FANCM: variants seen among roughly 807,000 people sequenced by gnomAD.
The protein encoded by FANCM is FA complementation group M.
A neutral mutation model predicts 199.5 loss-of-function variants in FANCM; 140 were observed. The observed-to-expected ratio is 0.70, with a 90% confidence interval of 0.61 to 0.81. FANCM has a LOEUF of 0.81. FANCM is among the 30% of genes least tolerant of loss of function. The probability of loss-of-function intolerance (pLI) is 0.00; values close to 1 mark genes in which losing one functional copy is unlikely to be tolerated. For missense variants in FANCM, 2,410 were observed against 2,421.4 expected (o/e 1.00, Z 0.10); for synonymous variants, 840 against 836.8 (o/e 1.00, Z -0.07).
At chr14:45,169,379 AT>A (rs768189905) in intron 11 of FANCM, among the ~76,000 whole-genome samples, 1 of 140,036 alleles carries the variant, frequency 7.1e-6, no homozygotes, top group South Asian at 2.3e-4. Context: ...TTATTTATTT[AT>A]TTGTTTTTTT....
intron 8 of FANCM, among the ~76,000 whole-genome samples, chr14:45,158,853 G>C (rs1381377233): frequency 3.3e-5 from 5 of 152,116 alleles, no homozygotes; most frequent in Non-Finnish European, 5.9e-5. Flanking sequence ...GTTTATTAGA[G>C]ACTGGGTCTT....
At chr14:45,142,237 C>T (rs1218517173) in intron 3 of FANCM, among the ~76,000 whole-genome samples, 1 of 151,936 alleles carries the variant, frequency 6.6e-6, no homozygotes, top group Non-Finnish European at 1.5e-5. Flanking sequence ...CTCCAGGGTT[C>T]AGTCTGTGAT....
chr14:45,196,830 GGGA>G (rs1457529522), intron 21 of FANCM, among the ~76,000 whole-genome samples: 2 of 152,190 alleles, frequency 1.3e-5, no homozygotes, highest in East Asian at 1.9e-4. Context: ...GGCAGCAATG[GGGA>G]GGAGAAGTAG....
intron 21 of FANCM, among the ~76,000 whole-genome samples, chr14:45,197,953 G>C (rs947942451): frequency 6.6e-6 from 1 of 151,460 alleles, no homozygotes; most frequent in Admixed American, 6.6e-5. Flanking sequence ...ATTTTTTGTA[G>C]AGACGAGGTT....
rs537199868 is a variant in FANCM at position 45,177,422 on chromosome 14, G to T, written c.4222+446G>T. Among the ~76,000 whole-genome samples the T allele has an allele frequency of 7.2e-5, 11 of 151,998 alleles. No homozygotes were observed. The South Asian group carries it at 2.1e-3, about 29-fold the overall frequency. On this transcript the variant is annotated intron_variant, in intron 14 of 22. Coordinates refer to ENST00000267430, the MANE Select transcript of FANCM (RefSeq NM_020937.4). ...TTTGTTTTTTTTGAGACGGAGTTTT[G>T]CTCTTGTTGCCCAGGCTGGAGTGCA... is the stretch of plus-strand genomic sequence containing the variant.
chr14:45,167,390 T>G (rs1888061409), intron 11 of FANCM: 3 of 509,790 alleles, frequency 5.9e-6, no homozygotes, highest in Non-Finnish European at 1.0e-5. Flanking sequence ...AAACATACCC[T>G]ACCAACCCAG....
chr14:45,140,626 C>G lies in FANCM; in HGVS notation c.682-6C>G. 6.4e-7 allele frequency: 1 copy of G among 1,550,748 alleles called. No homozygotes were observed. The highest frequency in any genetic ancestry group is 8.9e-7 in the Non-Finnish European group (1 of 1,127,318). The stretch of plus-strand genomic sequence containing the variant: ...GATGAAACTAAAGAACTTTTTTTTT[C>G]TTAAGGTTGTAAGAGAACTAGTCAA... On this transcript the variant is annotated splice_region_variant and splice_polypyrimidine_tract_variant and intron_variant, in intron 2 of 22. Coordinates refer to ENST00000267430, the MANE Select transcript of FANCM (RefSeq NM_020937.4).
chr14:45,145,841 C>T (rs1017565197), intron 3 of FANCM, among the ~76,000 whole-genome samples: 52 of 151,568 alleles, frequency 3.4e-4, no homozygotes, highest in African/African-American at 1.0e-3. Flanking sequence ...GGGCGGATCA[C>T]GAGGTCAGGA....
rs8017226 is a variant in FANCM at position 45,175,424 on chromosome 14, T to C, written c.2670T>C (p.Phe890=). The change falls in exon 14 of 23, where the codon TTT becomes TTC. Residue 890 remains phenylalanine (F), a synonymous_variant. Transcript: ENST00000267430. ...NDRNSTVENI[F]QEDLPNDKRT... ...GAAATTCCACTGTTGAAAATATTTT[T>C]CAAGAAGACCTACCAAATGATAAAA... The C allele has an allele frequency of 5.4e-3, 8,587 of 1,584,180 alleles. 435 individuals are homozygous for C. In the African/African-American group the frequency reaches 0.1, roughly 19 times the overall value.
rs1888753252 is a variant in FANCM, at chr14:45,176,991, TTATAAAGTC to T, written c.4222+21_4222+29del. 1.4e-6 allele frequency: 2 copies of T among 1,461,400 alleles called. No individual in the cohort carries two copies. Among genetic ancestry groups the T allele is most frequent in the Non-Finnish European group, 1.9e-6 (2 of 1,042,768 alleles). The allele number at this position is 1,461,400 out of a possible 1,614,324, so 90.5% of individuals were successfully genotyped here. Reference sequence around the variant, plus strand: ...TTCTGTTGAAGGTAAGATTCCATCTTTATAAAGTCTATAACTCTTTCTAGAATAATTACT... The same window carrying T: ...TTCTGTTGAAGGTAAGATTCCATCTTTATAACTCTTTCTAGAATAATTACT... On this transcript the variant is annotated intron_variant, in intron 14 of 22. Coordinates refer to ENST00000267430, the MANE Select transcript of FANCM (RefSeq NM_020937.4).
At chr14:45,191,172 C>A (rs1889744219) in intron 20 of FANCM, among the ~76,000 whole-genome samples, 1 of 152,164 alleles carries the variant, frequency 6.6e-6, no homozygotes, top group Non-Finnish European at 1.5e-5. Flanking sequence ...GTGGGACATT[C>A]ATCTCTTCAA....
At position 45,190,194 on chromosome 14, in the gene FANCM, T is replaced by C. The variant is rs111483760; in HGVS notation, c.5340+832T>C. On this transcript the variant is annotated intron_variant, in intron 20 of 22. Coordinates refer to ENST00000267430, the MANE Select transcript of FANCM (RefSeq NM_020937.4). Reference sequence around the variant, plus strand: ...AGAAGAATCACTGTAAAACTGTTTCTCGTTTTTAAGGGTTTATAGTTACAG... The same window carrying C: ...AGAAGAATCACTGTAAAACTGTTTCCCGTTTTTAAGGGTTTATAGTTACAG... Among the ~76,000 whole-genome samples, 1,121 of 152,296 alleles carry C rather than the reference T, an allele frequency of 7.4e-3. 24 individuals are homozygous for C. The highest frequency in any genetic ancestry group is 0.026 in the African/African-American group (1,064 of 41,570).
chr14:45,194,603 T>C (rs750095995), intron 20 of FANCM, among the ~76,000 whole-genome samples: 1 of 152,250 alleles, frequency 6.6e-6, no homozygotes, highest in South Asian at 2.1e-4. Context: ...GCATACACCA[T>C]TGTATGATTA....
chr14:45,141,623 CTT>C (rs975405861), intron 3 of FANCM, among the ~76,000 whole-genome samples: 6 of 140,034 alleles, frequency 4.3e-5, no homozygotes, highest in African/African-American at 1.6e-4. Flanking sequence ...GAGTTTTGCT[CTT>C]GTTACCCAGG....
rs528883051 is a variant in FANCM, at chr14:45,148,744, T to C, written c.760-93T>C. 3.5e-5 allele frequency: 28 copies of C among 804,010 alleles called. No homozygotes were observed. The South Asian group carries it at 4.3e-4, about 12-fold the overall frequency. The allele number at this position is 804,010 out of a possible 1,614,324, so 49.8% of individuals were successfully genotyped here. On this transcript the variant is annotated intron_variant, in intron 3 of 22. Coordinates refer to ENST00000267430, the MANE Select transcript of FANCM (RefSeq NM_020937.4). ...ATGATATAAATTTCTGGTGCTTCTT[T>C]CAAAATTTTACTGCTATTTTATTTC...
intron 21 of FANCM, 185 bp from the exon 22 acceptor site, chr14:45,198,459 T>C: frequency 2.1e-6 from 1 of 476,140 alleles, no homozygotes. Flanking sequence ...AAGGCGCTCA[T>C]AGTTACCCCT....
At chr14:45,186,398 A>G (rs944201187) in intron 18 of FANCM, among the ~76,000 whole-genome samples, 2 of 152,202 alleles carry the variant, frequency 1.3e-5, no homozygotes, top group Non-Finnish European at 2.9e-5. Flanking sequence ...TCTTACATAC[A>G]ATATATTTAG....
chr14:45,162,061 T>C (rs1006402875), intron 9 of FANCM, among the ~76,000 whole-genome samples: 1 of 152,164 alleles, frequency 6.6e-6, no homozygotes, highest in African/African-American at 2.4e-5. Flanking sequence ...CCTGAGCAAC[T>C]GAAGGAGCTG....
chr14:45,196,383 A>G lies in FANCM; in HGVS notation c.5552A>G (p.Asn1851Ser). 6.2e-7 allele frequency: 1 copy of G among 1,614,116 alleles called. No individual in the cohort carries two copies. The highest frequency in any genetic ancestry group is 2.2e-5 in the East Asian group (1 of 44,862). ...HGLQVEVCPL[N>S]GCDYIVSNRM... is the part of the protein sequence containing the mutation. ...TTGCAAGTAGAAGTTTGTCCTCTTA[A>G]TGGCTGTGATTACATCGTGAGTAAT... Residue 1851 changes from asparagine to serine, a missense_variant, in exon 21 of 23, where the codon AAT (asparagine) becomes AGT (serine). Asn to Ser is a conservative substitution (Grantham distance 46, BLOSUM62 1). Transcript: ENST00000267430.
Sources: allele counts gnomAD v4.1 joint callset (sites outside exome capture counted in the v4.1 genomes callset), GRCh38; gene constraint gnomAD v4.1.1; transcripts MANE v1.5; gene names NCBI Gene and HGNC (gene_info 2026-07-23, HGNC 2026-07-21).